Variants in RIMKLA observed in about 807,000 individuals in gnomAD.
RIMKLA encodes ribosomal modification protein rimK like family member A.
Under a neutral mutation model 32.7 loss-of-function variants are expected in RIMKLA, and 14 were observed. The ratio of observed to expected loss-of-function variants is 0.43; its 90% CI spans 0.28 to 0.67. The LOEUF (loss-of-function observed/expected upper bound fraction) is 0.67. RIMKLA is among the 30% of genes least tolerant of loss of function. RIMKLA has a pLI of 0.18. For missense variants in RIMKLA, 410 were observed against 519.0 expected (o/e 0.79, Z 2.04); for synonymous variants, 176 against 204.1 (o/e 0.86, Z 1.18).
chr1:42,395,718 A>G (rs1643037688), intron 1 of RIMKLA, among the ~76,000 whole-genome samples: 1 of 152,166 alleles, frequency 6.6e-6, no homozygotes, highest in African/African-American at 2.4e-5. Context: ...TAAGTTTATT[A>G]GGTCCTTTCC....
At chr1:42,390,457 T>C (rs1033741293) in intron 1 of RIMKLA, among the ~76,000 whole-genome samples, 1 of 152,186 alleles carries the variant, frequency 6.6e-6, no homozygotes, top group African/African-American at 2.4e-5. Context: ...GGAGCAGTGC[T>C]TTAAGTGGCT....
At chr1:42,401,585 G>T (rs1490450659) in intron 2 of RIMKLA, among the ~76,000 whole-genome samples, 1 of 152,134 alleles carries the variant, frequency 6.6e-6, no homozygotes, top group Non-Finnish European at 1.5e-5. Flanking sequence ...ATTCCAAAAG[G>T]ACAGGTAACA....
rs1362437520 is a variant in RIMKLA, at chr1:42,404,554, C to T, written c.438C>T (p.Pro146=). The change falls in exon 3 of 5, where the codon CCC becomes CCT. Residue 146 remains proline (P), a synonymous_variant. Coordinates refer to ENST00000431473, the MANE Select transcript of RIMKLA (RefSeq NM_173642.4). ...DFSKMIDEAE[P]LGYPVVVKST... Reference sequence around the variant, plus strand: ...CAAAAATGATTGATGAAGCTGAGCCCCTGGGCTACCCAGTCGTGGTGAAGA... The same window carrying T: ...CAAAAATGATTGATGAAGCTGAGCCTCTGGGCTACCCAGTCGTGGTGAAGA... 6 of 1,613,774 alleles carry T rather than the reference C, an allele frequency of 3.7e-6. No homozygotes were observed. Among genetic ancestry groups the T allele is most frequent in the Non-Finnish European group, 5.1e-6 (6 of 1,179,912 alleles).
At position 42,421,998 on chromosome 1, in the gene RIMKLA, T is replaced by A. The variant is rs1643299136; in HGVS notation, c.*7024T>A. 1 of 152,164 alleles carries A rather than the reference T, an allele frequency of 6.6e-6. No individual in the cohort carries two copies. The highest frequency in any genetic ancestry group is 2.4e-5 in the African/African-American group (1 of 41,430). The allele number at this position is 152,164 out of a possible 1,614,324, so 9.4% of individuals were successfully genotyped here. On this transcript the variant is annotated 3_prime_UTR_variant, in exon 5 of 5. Transcript: ENST00000431473. The surrounding 1 kb of genome is among the most constrained non-coding windows in gnomAD (Gnocchi z 4.6). Reference sequence around the variant, plus strand: ...ACATCAGTAGCTGGGGAATCGGCCCTATTGAGAGTATTTACACCACAGAGA... The same window carrying A: ...ACATCAGTAGCTGGGGAATCGGCCCAATTGAGAGTATTTACACCACAGAGA...
intron 1 of RIMKLA, among the ~76,000 whole-genome samples, chr1:42,394,435 A>G (rs1643025443): frequency 6.6e-6 from 1 of 152,238 alleles, no homozygotes; most frequent in Non-Finnish European, 1.5e-5. Context: ...TTATAGTCAA[A>G]TCAATTCCAA....
chr1:42,397,228 A>G (rs1643055347), intron 1 of RIMKLA, among the ~76,000 whole-genome samples: 1 of 152,168 alleles, frequency 6.6e-6, no homozygotes, highest in Non-Finnish European at 1.5e-5. Context: ...AGGGCCATGT[A>G]GTAGTTTTGT....
At chr1:42,407,060 C>T (rs940737855) in intron 3 of RIMKLA, among the ~76,000 whole-genome samples, 3 of 152,040 alleles carry the variant, frequency 2.0e-5, no homozygotes, top group Non-Finnish European at 4.4e-5. Flanking sequence ...CATGCGCCAC[C>T]ATGCCTGGCT....
chr1:42,389,606 G>C (rs1225783072), intron 1 of RIMKLA, among the ~76,000 whole-genome samples: 1 of 152,130 alleles, frequency 6.6e-6, no homozygotes, highest in Non-Finnish European at 1.5e-5. Flanking sequence ...GAGGTCAGGA[G>C]TTCGAGACCG....
intron 4 of RIMKLA, among the ~76,000 whole-genome samples, chr1:42,411,007 C>A (rs1329122260): frequency 6.6e-6 from 1 of 152,172 alleles, no homozygotes; most frequent in Non-Finnish European, 1.5e-5. Context: ...ATGAGAGAGC[C>A]TTTGCCCTCA....
At chr1:42,385,775 CTTTGTTTG>C (rs1280215808) in intron 1 of RIMKLA, among the ~76,000 whole-genome samples, 9 of 55,310 alleles carry the variant, frequency 1.6e-4, no homozygotes, top group Non-Finnish European at 2.5e-4. Flanking sequence ...TTCTTTGTTT[CTTTGTTTG>C]TTTGTTTCTT....
intron 1 of RIMKLA, among the ~76,000 whole-genome samples, chr1:42,392,577 C>T (rs1297183244): frequency 2.0e-5 from 3 of 152,134 alleles, no homozygotes; most frequent in Non-Finnish European, 4.4e-5. Flanking sequence ...GTACAGGATC[C>T]CACGTTGCCC....
intron 1 of RIMKLA, among the ~76,000 whole-genome samples, chr1:42,396,875 A>G (rs1643052679): frequency 6.6e-6 from 1 of 152,124 alleles, no homozygotes; most frequent in Admixed American, 6.5e-5. Flanking sequence ...GGTGTTCTGT[A>G]TTTACTATCT....
In RIMKLA at chr1:42,398,626, T is replaced by A. The variant is rs192118578; in HGVS notation, c.164-778T>A. ...GCATTATTTATAATTTTATATCCTGTTTTTTCACTTAACATTGACATTTGT... is the reference window on the plus strand; with the variant it reads ...GCATTATTTATAATTTTATATCCTGATTTTTCACTTAACATTGACATTTGT... On this transcript the variant is annotated intron_variant, in intron 1 of 4. Transcript: ENST00000431473. 4.6e-5 allele frequency among the ~76,000 whole-genome samples: 7 copies of A among 152,278 alleles called. No homozygotes were observed. In the East Asian group the frequency reaches 1.4e-3, roughly 29 times the overall value.
intron 3 of RIMKLA, among the ~76,000 whole-genome samples, chr1:42,406,534 T>A (rs779111646): frequency 3.2e-4 from 49 of 152,354 alleles, no homozygotes; most frequent in Non-Finnish European, 5.6e-4. Flanking sequence ...TTTTCAAGGT[T>A]CATCTATGTT....
intron 3 of RIMKLA, among the ~76,000 whole-genome samples, chr1:42,409,223 AAAAAAAAAG>A (rs1487021903): frequency 1.4e-5 from 2 of 145,778 alleles, no homozygotes; most frequent in African/African-American, 2.5e-5. Flanking sequence ...AAAAAAAAAA[AAAAAAAAAG>A]CTGATGCTAA....
intron 4 of RIMKLA, among the ~76,000 whole-genome samples, chr1:42,413,481 G>T (rs1241358267): frequency 6.9e-6 from 1 of 145,812 alleles, no homozygotes; most frequent in Non-Finnish European, 1.5e-5. Context: ...TTCAGCCTAG[G>T]TGACAGAGTA....
Position 42,380,890 on chromosome 1 carries a change from G to A in RIMKLA, c.-45G>A. The A allele has an allele frequency of 8.1e-7, 1 of 1,240,632 alleles. No homozygotes were observed. The highest frequency in any genetic ancestry group is 1.0e-6 in the Non-Finnish European group (1 of 993,620). 76.9% of individuals were successfully genotyped at this position (1,240,632 alleles called of 1,614,324 possible). ...CGCCCTACTGAGCGAGCGGCCCGGG[G>A]CGCCGAGGGGTCCGCGCCGCGCGGG... is the stretch of plus-strand genomic sequence containing the variant. On this transcript the variant is annotated 5_prime_UTR_variant, in exon 1 of 5. Coordinates refer to ENST00000431473, the MANE Select transcript of RIMKLA (RefSeq NM_173642.4).
At chr1:42,391,517 A>AAGCGGTGTCC (rs1292752875) in intron 1 of RIMKLA, among the ~76,000 whole-genome samples, 1 of 152,134 alleles carries the variant, frequency 6.6e-6, no homozygotes, top group East Asian at 1.9e-4. Context: ...AAGCGGTGTC[A>AAGCGGTGTCC]TTGGCGAGAG....
At chr1:42,397,027 G>A (rs1165177348) in intron 1 of RIMKLA, among the ~76,000 whole-genome samples, 1 of 152,224 alleles carries the variant, frequency 6.6e-6, no homozygotes, top group African/African-American at 2.4e-5. Context: ...GCATCTGTAA[G>A]TGATACTGTT....
Sources: allele counts gnomAD v4.1 joint callset (sites outside exome capture counted in the v4.1 genomes callset), GRCh38; gene constraint gnomAD v4.1.1; non-coding constraint Gnocchi (gnomAD v3.1); transcripts MANE v1.5; gene names NCBI Gene and HGNC (gene_info 2026-07-23, HGNC 2026-07-21).